Variants in AFF4 observed in about 807,000 individuals in gnomAD.
AFF4 encodes the protein ALF transcription elongation factor 4.
In AFF4, 13 loss-of-function variants were observed where a neutral mutation model predicts 124.8. That is an observed-to-expected ratio of 0.10 (90% confidence interval 0.07 to 0.17). AFF4 has a LOEUF of 0.17. Ranked by LOEUF, AFF4 falls within the 10% of genes least tolerant of loss-of-function variation. The probability of loss-of-function intolerance (pLI) is 1.00; values close to 1 mark genes in which losing one functional copy is unlikely to be tolerated. For synonymous variants in AFF4, 477 were observed against 496.1 expected (o/e 0.96, Z 0.51); for missense variants, 1,092 against 1,403.8 (o/e 0.78, Z 3.55).
At chr5:132,899,851 C>A (rs901392344) in intron 7 of AFF4, among the ~76,000 whole-genome samples, 1 of 152,172 alleles carries the variant, frequency 6.6e-6, no homozygotes, top group Non-Finnish European at 1.5e-5. Context: ...TAAGCTCTAT[C>A]CTTCCCATGA....
In AFF4 at chr5:132,897,186, T is replaced by A; in HGVS notation, c.1444A>T (p.Asn482Tyr). The stretch of plus-strand genomic sequence containing the variant: ...GAGGCGGGTGACACTTTATGTGGGT[T>A]CACTTTATTCAGCCAATTATCAAGT... The part of the protein sequence containing the change: ...WQLDNWLNKV[N>Y]PHKVSPASSV... The change falls in exon 11 of 21, where the codon AAC (asparagine) becomes TAC (tyrosine). Residue 482 changes from asparagine to tyrosine, a missense_variant. Asn to Tyr is a moderately radical substitution (Grantham distance 143). Transcript: ENST00000265343. 6.2e-7 allele frequency: 1 copy of A among 1,614,148 alleles called. No individual in the cohort carries two copies. Among genetic ancestry groups the A allele is most frequent in the Non-Finnish European group, 8.5e-7 (1 of 1,179,998 alleles).
At chr5:132,955,165 T>C (rs1761924717) in intron 1 of AFF4, among the ~76,000 whole-genome samples, 1 of 152,212 alleles carries the variant, frequency 6.6e-6, no homozygotes, top group Non-Finnish European at 1.5e-5. Flanking sequence ...TTCTCCTCTC[T>C]GCTTCTTCTC....
At chr5:132,942,622 G>A (rs1293306355) in intron 1 of AFF4, among the ~76,000 whole-genome samples, 1 of 152,108 alleles carries the variant, frequency 6.6e-6, no homozygotes, top group Non-Finnish European at 1.5e-5. Flanking sequence ...GCGCCACCAT[G>A]CCAGGATGAT....
intron 1 of AFF4, among the ~76,000 whole-genome samples, chr5:132,960,634 T>C (rs1335063502): frequency 6.6e-6 from 1 of 152,228 alleles, no homozygotes; most frequent in Non-Finnish European, 1.5e-5. Context: ...GGTTTTTCCC[T>C]TTCAAATACT....
In AFF4 at chr5:132,899,656, CAAAG is replaced by C. The variant is rs1760500063; in HGVS notation, c.1134-19_1134-16del. On this transcript the variant is annotated splice_polypyrimidine_tract_variant and intron_variant, in intron 7 of 20. Transcript: ENST00000265343. ...CTTTTAACATACTAGAGGGAAAAGA[CAAAG>C]AATTATTATTTTTGGAACAGTTTAC... is the stretch of plus-strand genomic sequence containing the variant. 1.2e-6 allele frequency: 2 copies of C among 1,600,238 alleles called. No individual in the cohort carries two copies. The highest frequency in any genetic ancestry group is 1.7e-6 in the Non-Finnish European group (2 of 1,169,266).
intron 5 of AFF4, among the ~76,000 whole-genome samples, chr5:132,905,999 T>C (rs142108837): frequency 1.7e-3 from 259 of 152,184 alleles, no homozygotes; most frequent in African/African-American, 6.0e-3. Flanking sequence ...AAGGAAGACA[T>C]ATAAATGGCC....
At chr5:132,911,654 G>A (rs1346338356) in intron 5 of AFF4, among the ~76,000 whole-genome samples, 2 of 151,438 alleles carry the variant, frequency 1.3e-5, no homozygotes, top group South Asian at 2.1e-4. Flanking sequence ...TGAAGACGAC[G>A]ACAAAAGGGG....
chr5:132,901,227 CT>C lies in AFF4; in HGVS notation c.1133+1214del, dbSNP rs1760543660. 5.6e-6 allele frequency: 5 copies of C among 894,200 alleles called. No homozygotes were observed. In the African/African-American group the frequency reaches 7.2e-5, roughly 13 times the overall value. 55.4% of individuals were successfully genotyped at this position (894,200 alleles called of 1,614,324 possible). A position where few individuals can be genotyped will look rare whatever the true frequency, so the allele number is the denominator to read the frequency against. On this transcript the variant is annotated intron_variant, in intron 7 of 20. Coordinates refer to ENST00000265343, the MANE Select transcript of AFF4 (RefSeq NM_014423.4). ...GTTTACACATGTGAATATGTCAAAG[CT>C]TTTACCAGACTGCTCAGGGCCCTGC... is the stretch of plus-strand genomic sequence containing the variant.
intron 5 of AFF4, among the ~76,000 whole-genome samples, chr5:132,918,670 C>CTT (rs1415792724): frequency 6.6e-6 from 1 of 151,966 alleles, no homozygotes; most frequent in African/African-American, 2.4e-5. Context: ...AAAGATAACT[C>CTT]TAACAAAAGA....
chr5:132,961,005 C>T (rs1339512349), intron 1 of AFF4, among the ~76,000 whole-genome samples: 3 of 152,010 alleles, frequency 2.0e-5, no homozygotes, highest in Non-Finnish European at 4.4e-5. Flanking sequence ...GTGTGGATCA[C>T]GAGGTCAGGA....
intron 1 of AFF4, among the ~76,000 whole-genome samples, chr5:132,961,273 T>C (rs747271110): frequency 1.7e-4 from 26 of 152,072 alleles, no homozygotes; most frequent in Non-Finnish European, 2.9e-4. Flanking sequence ...CCTCAGCCTC[T>C]GGAGTAGCTG....
At chr5:132,902,926 A>G (rs941569562) in intron 6 of AFF4, among the ~76,000 whole-genome samples, 1 of 152,228 alleles carries the variant, frequency 6.6e-6, no homozygotes. Flanking sequence ...ATAAATTAAG[A>G]TATTTTCATA....
At chr5:132,900,815 TAG>T in intron 7 of AFF4, 1 of 936,704 alleles carries the variant, frequency 1.1e-6, no homozygotes, top group Non-Finnish European at 1.3e-6. Context: ...ATACAAAGCT[TAG>T]GGAGAACTAC....
chr5:132,925,626 G>A (rs955846300), intron 5 of AFF4, among the ~76,000 whole-genome samples: 1 of 152,110 alleles, frequency 6.6e-6, no homozygotes, highest in African/African-American at 2.4e-5. Flanking sequence ...AGGACAGTGA[G>A]AATAAGCAAA....
At chr5:132,881,820 C>T in intron 20 of AFF4, among the ~76,000 whole-genome samples, 1 of 146,692 alleles carries the variant, frequency 6.8e-6, no homozygotes, top group East Asian at 2.0e-4. Flanking sequence ...ATATAAAATA[C>T]AAAAAAGTTT....
At chr5:132,883,860 C>G (rs1760047865) in intron 19 of AFF4, among the ~76,000 whole-genome samples, 1 of 152,220 alleles carries the variant, frequency 6.6e-6, no homozygotes. Context: ...GATCCCCTCA[C>G]TCTCTGCTCA....
intron 5 of AFF4, among the ~76,000 whole-genome samples, chr5:132,910,580 T>TA (rs1471170536): frequency 1.3e-5 from 2 of 152,188 alleles, no homozygotes; most frequent in African/African-American, 4.8e-5. Flanking sequence ...CTTTTAGGTA[T>TA]ATTACACATG....
In AFF4 at chr5:132,934,220, T is replaced by C. The variant is rs376965483; in HGVS notation, c.845A>G (p.Asn282Ser). 26 of 1,614,070 alleles carry C rather than the reference T, an allele frequency of 1.6e-5. No homozygotes were observed. Among genetic ancestry groups the C allele is most frequent in the Non-Finnish European group, 1.9e-5 (23 of 1,180,040 alleles). ...SEHYSSQSHG[N>S]SMTELKPSSK... ...GCTGGGCTTCAGCTCAGTCATGCTG[T>C]TGCCATGGGATTGGCTGCTGTAGTG... The change falls in exon 3 of 21, where the codon AAC becomes AGC. Residue 282 changes from asparagine to serine, a missense_variant. Asn to Ser is a conservative substitution (Grantham distance 46). Coordinates refer to ENST00000265343, the MANE Select transcript of AFF4 (RefSeq NM_014423.4).
At chr5:132,893,965 T>A (rs1417757645) in intron 11 of AFF4, among the ~76,000 whole-genome samples, 1 of 152,188 alleles carries the variant, frequency 6.6e-6, no homozygotes, top group African/African-American at 2.4e-5. Flanking sequence ...TCATTTAGTG[T>A]AACATTTTTA....
Sources: gnomAD v4.1 joint callset for allele counts (sites outside exome capture counted in the v4.1 genomes callset) on GRCh38, gnomAD v4.1.1 for gene constraint, MANE v1.5 for transcripts, NCBI Gene and HGNC (gene_info 2026-07-23, HGNC 2026-07-21) for gene names.